The following EPHA6 variants were observed in gnomAD, a reference collection of about 807,000 sequenced individuals.
The protein encoded by EPHA6 is ephrin type-A receptor 6.
A neutral mutation model predicts 112.0 loss-of-function variants in EPHA6; 50 were observed. That is an observed-to-expected ratio of 0.45 (90% CI 0.36 to 0.56). The LOEUF (loss-of-function observed/expected upper bound fraction) is 0.56. EPHA6 is among the 20% of genes least tolerant of loss of function. The probability of loss-of-function intolerance (pLI) is 0.00; values close to 1 mark genes in which losing one functional copy is unlikely to be tolerated. For missense variants in EPHA6, 1,280 were observed against 1,417.4 expected (o/e 0.90, Z 1.56); for synonymous variants, 529 against 490.7 (o/e 1.08, Z -1.03).
intron 10 of EPHA6, among the ~76,000 whole-genome samples, chr3:97,522,607 A>T (rs1446725461): frequency 1.3e-5 from 2 of 152,162 alleles, no homozygotes; most frequent in East Asian, 1.9e-4. Flanking sequence ...GGGAGATTTT[A>T]AAAAAGATTG....
At chr3:96,906,484 G>A (rs565157965) in intron 2 of EPHA6, among the ~76,000 whole-genome samples, 9 of 152,090 alleles carry the variant, frequency 5.9e-5, no homozygotes, top group Admixed American at 6.6e-5. Flanking sequence ...CCAGTTGAAC[G>A]TCTTGAACAC....
intron 5 of EPHA6, among the ~76,000 whole-genome samples, chr3:97,340,082 T>A (rs1337745275): frequency 6.6e-6 from 1 of 152,216 alleles, no homozygotes; most frequent in Non-Finnish European, 1.5e-5. Context: ...ATTTTTGAGA[T>A]GGATATTTAT....
chr3:97,207,756 G>T (rs891142986), intron 3 of EPHA6, among the ~76,000 whole-genome samples: 1 of 152,084 alleles, frequency 6.6e-6, no homozygotes, highest in South Asian at 2.1e-4. Flanking sequence ...TATAATAGAA[G>T]ACTGTCCTTA....
At chr3:97,454,830 T>G (rs1378201774) in intron 7 of EPHA6, among the ~76,000 whole-genome samples, 2 of 151,884 alleles carry the variant, frequency 1.3e-5, no homozygotes, top group Non-Finnish European at 2.9e-5. Flanking sequence ...TTGGAATGAT[T>G]ATTAATGGTA....
intron 3 of EPHA6, among the ~76,000 whole-genome samples, chr3:97,105,593 T>C (rs879656651): frequency 3.3e-5 from 5 of 152,136 alleles, no homozygotes; most frequent in Non-Finnish European, 7.4e-5. Flanking sequence ...TTTTAGAGTA[T>C]GTGCCATGTG....
chr3:97,182,537 T>C (rs1444663385), intron 3 of EPHA6, among the ~76,000 whole-genome samples: 1 of 151,946 alleles, frequency 6.6e-6, no homozygotes, highest in Non-Finnish European at 1.5e-5. Context: ...CATATCATAG[T>C]TTTTCAACTG....
At chr3:96,892,976 G>GTA (rs1404110260) in intron 2 of EPHA6, among the ~76,000 whole-genome samples, 1 of 151,372 alleles carries the variant, frequency 6.6e-6, no homozygotes, top group African/African-American at 2.4e-5. Context: ...GTGTGTGTGT[G>GTA]TGTGTTCGTG....
In EPHA6 at chr3:97,082,709, T is replaced by A. The variant is rs552805836; in HGVS notation, c.1114+94716T>A. Among the ~76,000 whole-genome samples, 3 of 152,030 alleles carry A rather than the reference T, an allele frequency of 2.0e-5. No individual in the cohort carries two copies. The South Asian group carries it at 6.2e-4, about 31-fold the overall frequency. On this transcript the variant is annotated intron_variant, in intron 3 of 17. Transcript: ENST00000389672. ...CTCTTAGAAGAATCAGTGATATGCG[T>A]GTAACACCTGTAAAATAAAAATACC...
chr3:97,085,863 C>T (rs1414760024), intron 3 of EPHA6, among the ~76,000 whole-genome samples: 14 of 149,792 alleles, frequency 9.3e-5, no homozygotes, highest in African/African-American at 3.5e-4. Context: ...ATAAGAAGTT[C>T]TCTCGTAGAA....
At chr3:97,443,205 G>C (rs2090198872) in intron 6 of EPHA6, among the ~76,000 whole-genome samples, 1 of 151,922 alleles carries the variant, frequency 6.6e-6, no homozygotes, top group South Asian at 2.1e-4. Flanking sequence ...AAGTCAAACA[G>C]AAACGGAGAG....
At chr3:96,964,119 G>A (rs1467079069) in intron 2 of EPHA6, among the ~76,000 whole-genome samples, 1 of 152,000 alleles carries the variant, frequency 6.6e-6, no homozygotes, top group Non-Finnish European at 1.5e-5. Context: ...TGGTAGATGG[G>A]GTATCCATCC....
chr3:97,174,053 T>A (rs2076768451), intron 3 of EPHA6, among the ~76,000 whole-genome samples: 1 of 151,650 alleles, frequency 6.6e-6, no homozygotes, highest in Non-Finnish European at 1.5e-5. Flanking sequence ...CTTCCCAGCC[T>A]CTGATAACTA....
chr3:97,624,224 G>A (rs1291036980), intron 13 of EPHA6, among the ~76,000 whole-genome samples: 2 of 151,532 alleles, frequency 1.3e-5, no homozygotes, highest in East Asian at 1.9e-4. Flanking sequence ...TTTATTCCTA[G>A]CTTGTTGAGT....
intron 3 of EPHA6, among the ~76,000 whole-genome samples, chr3:97,132,989 C>A (rs1449162381): frequency 1.2e-4 from 18 of 151,916 alleles, no homozygotes; most frequent in Admixed American, 1.2e-3. Flanking sequence ...CATAACAGTG[C>A]TAAAAAATGT....
intron 5 of EPHA6, among the ~76,000 whole-genome samples, chr3:97,293,077 A>C (rs1210247607): frequency 4.0e-5 from 6 of 149,262 alleles, no homozygotes; most frequent in African/African-American, 1.5e-4. Flanking sequence ...GCTCCTTTTC[A>C]CAGGCAGGGC....
At chr3:96,853,265 A>G (rs1283456275) in intron 1 of EPHA6, among the ~76,000 whole-genome samples, 1 of 152,144 alleles carries the variant, frequency 6.6e-6, no homozygotes, top group Admixed American at 6.6e-5. Flanking sequence ...ACTTTACAGA[A>G]ATATTGAATT....
At chr3:97,162,837 A>T (rs1444694496) in intron 3 of EPHA6, among the ~76,000 whole-genome samples, 1 of 152,106 alleles carries the variant, frequency 6.6e-6, no homozygotes, top group East Asian at 1.9e-4. Context: ...CTTGGAACTT[A>T]GTGTTAGATA....
chr3:97,645,531 G>A (rs1472830959), intron 14 of EPHA6, among the ~76,000 whole-genome samples: 3 of 115,574 alleles, frequency 2.6e-5, no homozygotes, highest in Admixed American at 1.0e-4. Flanking sequence ...GGGGGGAGGG[G>A]GGAGGGATAG....
intron 2 of EPHA6, among the ~76,000 whole-genome samples, chr3:96,976,657 G>A (rs1183116226): frequency 2.0e-5 from 3 of 152,112 alleles, no homozygotes; most frequent in Admixed American, 6.6e-5. Flanking sequence ...AGGAAGGGAA[G>A]CCTCTACTCC....
Sources: gnomAD v4.1 joint callset for allele counts (sites outside exome capture counted in the v4.1 genomes callset) on GRCh38, gnomAD v4.1.1 for gene constraint, MANE v1.5 for transcripts, NCBI Gene and HGNC (gene_info 2026-07-23, HGNC 2026-07-21) for gene names.